The following XPNPEP2 variants were observed in gnomAD, a reference collection of about 807,000 sequenced individuals.
The protein encoded by XPNPEP2 is X-prolyl aminopeptidase 2, also known as xaa-Pro aminopeptidase 2.
XPNPEP2 carries 64 observed loss-of-function variants against 59.8 expected under a neutral mutation model. That is an observed-to-expected ratio of 1.07 (90% CI 0.87 to 1.32). XPNPEP2 has a LOEUF of 1.32. Ranked by LOEUF, XPNPEP2 falls within the 40% of genes most tolerant of loss-of-function variation. XPNPEP2 has a pLI of 0.00. For synonymous variants in XPNPEP2, 235 were observed against 210.0 expected (o/e 1.12, Z -1.03); for missense variants, 575 against 546.8 (o/e 1.05, Z -0.51).
At position 129,752,143 on chromosome X, in the gene XPNPEP2, C is replaced by T. The variant is rs1569476685; in HGVS notation, c.822-7C>T. On this transcript the variant is annotated splice_polypyrimidine_tract_variant and splice_region_variant and intron_variant, in intron 9 of 20. Coordinates refer to ENST00000371106, the MANE Select transcript of XPNPEP2 (RefSeq NM_003399.6). ...CAGGACCCTCCTTGTCTTCCCACCC[C>T]ACCCAGGTTGTTTGCAAACAAGAGT... is the stretch of plus-strand genomic sequence containing the variant. 1 of 1,207,079 alleles carries T rather than the reference C, an allele frequency of 8.3e-7. No homozygotes were observed. The highest frequency in any genetic ancestry group is 1.1e-6 in the Non-Finnish European group (1 of 893,511).
intron 11 of XPNPEP2, 48 bp from the exon 12 acceptor site, chrX:129,754,424 A>T: frequency 9.0e-7 from 1 of 1,109,757 alleles, no homozygotes; most frequent in Non-Finnish European, 1.2e-6. Context: ...CTGTGGCTGC[A>T]ACCAGACCTC....
intron 16 of XPNPEP2, 125 bp from the exon 17 acceptor site, chrX:129,761,047 C>T (rs1926646839): frequency 1.7e-6 from 1 of 574,025 alleles, no homozygotes; most frequent in Non-Finnish European, 2.8e-6. Context: ...TGCATCAGTG[C>T]ATGCTTAGCG....
intron 8 of XPNPEP2, among the ~76,000 whole-genome samples, chrX:129,751,520 GAA>G (rs1485217802): frequency 1.2e-5 from 1 of 82,737 alleles, no homozygotes; most frequent in Non-Finnish European, 2.4e-5. Flanking sequence ...AGAAAAGAAA[GAA>G]AAAGAAAGAA....
intron 2 of XPNPEP2, among the ~76,000 whole-genome samples, chrX:129,742,418 C>A (rs1307105455): frequency 9.8e-6 from 1 of 101,553 alleles, no homozygotes; most frequent in Non-Finnish European, 2.0e-5. Context: ...CCCTCCCATT[C>A]ATTCCCCCAG....
chrX:129,753,914 T>C (rs1331761911), intron 11 of XPNPEP2, among the ~76,000 whole-genome samples: 2 of 112,159 alleles, frequency 1.8e-5, no homozygotes, highest in Admixed American at 9.4e-5. Context: ...GAGAATTCAA[T>C]GAATATGTAT....
chrX:129,757,520 AC>A (rs1187670761), intron 14 of XPNPEP2, among the ~76,000 whole-genome samples: 3 of 107,721 alleles, frequency 2.8e-5, no homozygotes, highest in Non-Finnish European at 5.7e-5. Context: ...GAATAGACTA[AC>A]CTGGCCAGGC....
rs754503253 is a variant in XPNPEP2 at position 129,763,346 on chromosome X, A to T, written c.1740+576A>T. ...GTAAAGTTTATTTGTAAAAATAAAC[A>T]TGCGAAGATAGCTAGGAAAATTCTG... is the stretch of plus-strand genomic sequence containing the variant. On this transcript the variant is annotated intron_variant, in intron 19 of 20. Coordinates refer to ENST00000371106, the MANE Select transcript of XPNPEP2 (RefSeq NM_003399.6). Among the ~76,000 whole-genome samples the T allele has an allele frequency of 3.6e-5, 4 of 112,530 alleles. No individual in the cohort carries two copies. The Admixed American group carries it at 3.8e-4, about 11-fold the overall frequency.
rs859585 is a variant in XPNPEP2, at chrX:129,768,887, G to A, written c.*402G>A. 0.29 allele frequency: 34,132 copies of A among 119,369 alleles called. 8,654 individuals are homozygous for A. The highest frequency in any genetic ancestry group is 0.82 in the African/African-American group (25,166 of 30,535). The allele number at this position is 119,369 out of a possible 1,213,427, so 9.8% of individuals were successfully genotyped here. A position where few individuals can be genotyped will look rare whatever the true frequency, so the allele number is the denominator to read the frequency against. On this transcript the variant is annotated 3_prime_UTR_variant, in exon 21 of 21. Coordinates refer to ENST00000371106, the MANE Select transcript of XPNPEP2 (RefSeq NM_003399.6). ...TACCACCCAAGGGTGCCATGGTCCC[G>A]GGAGAGCCCAAACCTATCACCACCT...
chrX:129,768,290 G>A lies in XPNPEP2; in HGVS notation c.1831-1G>A, dbSNP rs1234116310. On this transcript the variant is annotated splice_acceptor_variant, in intron 20 of 20. Transcript: ENST00000371106. LOFTEE classifies it high-confidence loss of function. The stretch of plus-strand genomic sequence containing the variant: ...GCTGTCACCCCTTCTATCCTTCGCA[G>A]CTCCAGTACCTGAATCGCTACTACC... The A allele has an allele frequency of 8.6e-7, 1 of 1,159,222 alleles. No individual in the cohort carries two copies. The highest frequency in any genetic ancestry group is 2.0e-5 in the South Asian group (1 of 49,131).
At chrX:129,764,830 A>G (rs1471092440) in intron 19 of XPNPEP2, among the ~76,000 whole-genome samples, 1 of 104,921 alleles carries the variant, frequency 9.5e-6, no homozygotes, top group African/African-American at 3.5e-5. Flanking sequence ...CAGGCGTGGT[A>G]GTGTGTGCCT....
chrX:129,745,409 A>C lies in XPNPEP2; in HGVS notation c.298+143A>C, dbSNP rs1031919731. ...CCTTCTACTCTCTCTGTCTCCCTCC[A>C]CCACCCCAAAACCATCAGATTCCCC... is the stretch of plus-strand genomic sequence containing the variant. On this transcript the variant is annotated intron_variant, in intron 4 of 20. Transcript: ENST00000371106. 45 of 642,610 alleles carry C rather than the reference A, an allele frequency of 7.0e-5. No homozygotes were observed. In the South Asian group the frequency reaches 1.2e-3, roughly 18 times the overall value. The allele number at this position is 642,610 out of a possible 1,213,427, so 53.0% of individuals were successfully genotyped here. A position where few individuals can be genotyped will look rare whatever the true frequency, so the allele number is the denominator to read the frequency against.
chrX:129,768,273 C>T lies in XPNPEP2; in HGVS notation c.1831-18C>T. 2 of 1,138,204 alleles carry T rather than the reference C, an allele frequency of 1.8e-6. No individual in the cohort carries two copies. Among genetic ancestry groups the T allele is most frequent in the South Asian group, 2.2e-5 (1 of 45,991 alleles). The allele number at this position is 1,138,204 out of a possible 1,213,427, so 93.8% of individuals were successfully genotyped here. A position where few individuals can be genotyped will look rare whatever the true frequency, so the allele number is the denominator to read the frequency against. Reference sequence around the variant, plus strand: ...CAGCTTGGCTTAGAGAGGCTGTCACCCCTTCTATCCTTCGCAGCTCCAGTA... The same window carrying T: ...CAGCTTGGCTTAGAGAGGCTGTCACTCCTTCTATCCTTCGCAGCTCCAGTA... On this transcript the variant is annotated intron_variant, in intron 20 of 20. Transcript: ENST00000371106.
chrX:129,747,591 C>T lies in XPNPEP2; in HGVS notation c.491-16C>T. 8.3e-7 allele frequency: 1 copy of T among 1,209,111 alleles called. No homozygotes were observed. The highest frequency in any genetic ancestry group is 1.1e-6 in the Non-Finnish European group (1 of 893,699). On this transcript the variant is annotated splice_polypyrimidine_tract_variant and intron_variant, in intron 6 of 20. Coordinates refer to ENST00000371106, the MANE Select transcript of XPNPEP2 (RefSeq NM_003399.6). ...TAAATGGGCAAGGGACAAGTGACTC[C>T]TTCTTGTCTCTGCAGACACCTGGGA... is the stretch of plus-strand genomic sequence containing the variant.
chrX:129,754,794 A>G (rs751574798), intron 12 of XPNPEP2, among the ~76,000 whole-genome samples: 98 of 111,006 alleles, frequency 8.8e-4, no homozygotes, highest in Non-Finnish European at 1.7e-4. Context: ...CGCCCCGCTG[A>G]AAGCAGGACA....
At chrX:129,761,931 C>T in intron 17 of XPNPEP2, 75 bp from the exon 18 acceptor site, 1 of 1,063,792 alleles carries the variant, frequency 9.4e-7, no homozygotes, top group Non-Finnish European at 1.3e-6. Flanking sequence ...CTTATCTGCT[C>T]TTCCTCGGAA....
At chrX:129,750,412 G>A (rs1017382141) in intron 7 of XPNPEP2, 56 bp from the exon 8 acceptor site, 21 of 1,014,466 alleles carry the variant, frequency 2.1e-5, no homozygotes, top group African/African-American at 2.1e-4. Context: ...TCCAGGAACC[G>A]AGTGCCAAAG....
At position 129,768,521 on chromosome X, in the gene XPNPEP2, TG is replaced by T. The variant is rs1340755921; in HGVS notation, c.*42del. The stretch of plus-strand genomic sequence containing the variant: ...CTCTCCTGTTAACCCTCCATCTAGA[TG>T]GGGGGCTCCCTTGCTTAGCTCCCCT... On this transcript the variant is annotated 3_prime_UTR_variant, in exon 21 of 21. Transcript: ENST00000371106. 5.4e-6 allele frequency: 6 copies of T among 1,104,127 alleles called. No individual in the cohort carries two copies. In the South Asian group the frequency reaches 6.9e-5, roughly 13 times the overall value. 91.0% of individuals were successfully genotyped at this position (1,104,127 alleles called of 1,213,427 possible). A position where few individuals can be genotyped will look rare whatever the true frequency, so the allele number is the denominator to read the frequency against.
intron 19 of XPNPEP2, among the ~76,000 whole-genome samples, chrX:129,765,340 T>C (rs1325512952): frequency 1.8e-5 from 2 of 112,182 alleles, no homozygotes; most frequent in African/African-American, 3.2e-5. Context: ...AATCACTGTA[T>C]AAACATCTTG....
chrX:129,749,400 T>A (rs1177343829), intron 7 of XPNPEP2, among the ~76,000 whole-genome samples: 1 of 112,926 alleles, frequency 8.9e-6, no homozygotes, highest in East Asian at 2.8e-4. Context: ...ATATGTTTTA[T>A]GTTATGTGTA....
Sources: allele counts gnomAD v4.1 joint callset (sites outside exome capture counted in the v4.1 genomes callset), GRCh38; gene constraint gnomAD v4.1.1; transcripts MANE v1.5; gene names NCBI Gene and HGNC (gene_info 2026-07-23, HGNC 2026-07-21).